DPF3: variants seen among roughly 807,000 people sequenced by gnomAD.
DPF3 encodes zinc finger protein DPF3.
In DPF3, 18 loss-of-function variants were observed where a neutral mutation model predicts 56.8. The ratio of observed to expected loss-of-function variants is 0.32; its 90% CI spans 0.22 to 0.47. The LOEUF (loss-of-function observed/expected upper bound fraction) is 0.47, where lower values mean the gene tolerates loss of function less well. Ranked by LOEUF, DPF3 falls within the 20% of genes least tolerant of loss-of-function variation. The pLI is 1.00. For missense variants in DPF3, 403 were observed against 488.8 expected, an observed-to-expected ratio of 0.82 and a Z score of 1.65; for synonymous variants, 188 against 180.2, an observed-to-expected ratio of 1.04 and a Z score of -0.35.
chr14:72,828,537 T>TAAAAAAAAGAAAAAAAAAAAAAAAA (rs1883913378), intron 1 of DPF3, among the ~76,000 whole-genome samples: 1 of 86,988 alleles, frequency 1.1e-5, no homozygotes, highest in African/African-American at 4.5e-5. Context: ...GACCATGTCT[T>TAAAAAAAAGAAAAAAAAAAAAAAAA]AAAAAAAAAA....
chr14:72,682,217 GA>G (rs60779626), intron 7 of DPF3, among the ~76,000 whole-genome samples: 7,863 of 55,436 alleles, frequency 0.14, 387 homozygotes, highest in African/African-American at 0.26. Flanking sequence ...TCTGTCTCAA[GA>G]AAAAAAAAAA....
rs114176585 is a variant in DPF3 at position 72,621,738 on chromosome 14, A to G, written c.985-1754T>C. On this transcript the variant is annotated intron_variant, in intron 9 of 10. Coordinates refer to ENST00000556509, the MANE Select transcript of DPF3 (RefSeq NM_001280542.3). ...CGTGATGATGGTGGCCTGAATTACA[A>G]TTGCGGCATGGAGAAAGAAATGGGT... Among the ~76,000 whole-genome samples the G allele has an allele frequency of 5.4e-3, 820 of 152,332 alleles. 8 individuals carry two copies. Among genetic ancestry groups the G allele is most frequent in the African/African-American group, 0.018 (767 of 41,574 alleles).
At chr14:72,805,937 C>T (rs1365623459) in intron 1 of DPF3, 2 of 152,090 alleles carry the variant, frequency 1.3e-5, no homozygotes, top group East Asian at 3.9e-4. Flanking sequence ...CTAATGGGGA[C>T]CTTCCTCTTG....
intron 1 of DPF3, among the ~76,000 whole-genome samples, chr14:72,805,061 C>CACACACACACACACACACAA (rs1882697820): frequency 1.3e-5 from 2 of 151,452 alleles, no homozygotes; most frequent in South Asian, 4.2e-4. Flanking sequence ...GACACACACA[C>CACACACACACACACACACAA]ACACACAAAC....
At chr14:72,892,448 C>A (rs949563674) in intron 1 of DPF3, 1 of 1,439,048 alleles carries the variant, frequency 6.9e-7, no homozygotes, top group African/African-American at 1.4e-5. Context: ...CAGCTTCCAA[C>A]GTCCTCTTAA....
At chr14:72,637,754 T>C (rs191795014) in intron 8 of DPF3, among the ~76,000 whole-genome samples, 5 of 152,218 alleles carry the variant, frequency 3.3e-5, no homozygotes, top group African/African-American at 1.2e-4. Flanking sequence ...CCCATCTGCT[T>C]GGTGGGATAA....
At chr14:72,774,891 A>G (rs1891690068) in intron 1 of DPF3, among the ~76,000 whole-genome samples, 1 of 152,200 alleles carries the variant, frequency 6.6e-6, no homozygotes, top group African/African-American at 2.4e-5. Context: ...AAAAATAAAG[A>G]ACCACTTTTT....
chr14:72,624,398 G>C (rs55886104), intron 9 of DPF3, among the ~76,000 whole-genome samples: 44,667 of 144,410 alleles, frequency 0.31, 7,904 homozygotes, highest in East Asian at 0.68. Flanking sequence ...GAGTGCAGTG[G>C]TGCCATCTCG....
chr14:72,857,034 G>C (rs943188558), intron 1 of DPF3, among the ~76,000 whole-genome samples: 2 of 152,170 alleles, frequency 1.3e-5, no homozygotes, highest in African/African-American at 4.8e-5. Flanking sequence ...GACAGACCAA[G>C]GGCCTGGAGG....
intron 5 of DPF3, among the ~76,000 whole-genome samples, chr14:72,715,633 ACT>A (rs1346570462): frequency 6.6e-6 from 1 of 151,178 alleles, no homozygotes; most frequent in Non-Finnish European, 1.5e-5. Context: ...ACACACTCAC[ACT>A]CTGTGCACAC....
intron 1 of DPF3, among the ~76,000 whole-genome samples, chr14:72,821,676 A>G (rs1192117553): frequency 6.6e-6 from 1 of 152,202 alleles, no homozygotes; most frequent in Non-Finnish European, 1.5e-5. Flanking sequence ...GTTTCATTGC[A>G]GCAAATATTG....
intron 9 of DPF3, among the ~76,000 whole-genome samples, chr14:72,624,333 C>CTTTTTTTTTTTTTTTTTTTTTTT (rs55820708): frequency 5.1e-5 from 5 of 97,796 alleles, no homozygotes; most frequent in African/African-American, 1.5e-4. Flanking sequence ...ACCTATGTCT[C>CTTTTTTTTTTTTTTTTTTTTTTT]TTTTTTTTTT....
At position 72,617,459 on chromosome 14, in the gene DPF3, C is replaced by T. The variant is rs2153565482; in HGVS notation, c.*1838G>A. On this transcript the variant is annotated 3_prime_UTR_variant, in exon 11 of 11. Coordinates refer to ENST00000556509, the MANE Select transcript of DPF3 (RefSeq NM_001280542.3). Reference sequence around the variant, plus strand: ...CCTCCCTGGGCCTTCAGGATTCAGACAAGCTCACCGACCAGCAGGCGGAAG... The same window carrying T: ...CCTCCCTGGGCCTTCAGGATTCAGATAAGCTCACCGACCAGCAGGCGGAAG... Among the ~76,000 whole-genome samples the T allele has an allele frequency of 6.6e-6, 1 of 152,236 alleles. No individual in the cohort carries two copies. The highest frequency in any genetic ancestry group is 2.1e-4 in the South Asian group (1 of 4,816).
intron 4 of DPF3, among the ~76,000 whole-genome samples, chr14:72,727,316 G>A: frequency 6.6e-6 from 1 of 152,164 alleles, no homozygotes; most frequent in East Asian, 1.9e-4. Flanking sequence ...GGTGGCTCAC[G>A]CCTGTAATCC....
Position 72,609,953 on chromosome 14 carries a change from G to A in DPF3, c.*9344C>T, listed in dbSNP as rs1227773050. On this transcript the variant is annotated 3_prime_UTR_variant, in exon 11 of 11. Coordinates refer to ENST00000556509, the MANE Select transcript of DPF3 (RefSeq NM_001280542.3). The stretch of plus-strand genomic sequence containing the variant: ...GGCGTTGGGTCCCAAGGATCAGTGG[G>A]GAGGGTGTTCAAAAGAGCAAAAAGG... Among the ~76,000 whole-genome samples the A allele has an allele frequency of 5.9e-5, 9 of 152,182 alleles. No homozygotes were observed. The highest frequency in any genetic ancestry group is 1.2e-4 in the Non-Finnish European group (8 of 68,030).
At chr14:72,697,642 G>C (rs1235375373) in intron 6 of DPF3, among the ~76,000 whole-genome samples, 4 of 152,180 alleles carry the variant, frequency 2.6e-5, no homozygotes, top group Non-Finnish European at 4.4e-5. Context: ...TCTATCCTGA[G>C]GACCAAGTTA....
chr14:72,750,177 A>G (rs1018847399), intron 3 of DPF3, among the ~76,000 whole-genome samples: 9 of 152,252 alleles, frequency 5.9e-5, no homozygotes, highest in Non-Finnish European at 7.3e-5. Context: ...ATACCTATCA[A>G]TAGTATGAGG....
chr14:72,654,116 C>A (rs1319934408), intron 8 of DPF3, among the ~76,000 whole-genome samples: 4 of 152,152 alleles, frequency 2.6e-5, no homozygotes, highest in Non-Finnish European at 5.9e-5. Context: ...CCTCCTCCTT[C>A]CTACAGTGCC....
At chr14:72,732,425 C>A (rs1314296017) in intron 3 of DPF3, among the ~76,000 whole-genome samples, 1 of 152,240 alleles carries the variant, frequency 6.6e-6, no homozygotes, top group African/African-American at 2.4e-5. Context: ...TGTCTGTCAA[C>A]CCCATGACCT....
Sources: gnomAD v4.1 joint callset for allele counts (sites outside exome capture counted in the v4.1 genomes callset) on GRCh38, gnomAD v4.1.1 for gene constraint, MANE v1.5 for transcripts, NCBI Gene and HGNC (gene_info 2026-07-23, HGNC 2026-07-21) for gene names.